Variants in SCLT1 observed in about 807,000 individuals in gnomAD.
SCLT1 encodes sodium channel-associated protein 1.
A neutral mutation model predicts 112.8 loss-of-function variants in SCLT1; 78 were observed. The ratio of observed to expected loss-of-function variants is 0.69; its 90% CI spans 0.58 to 0.83. The LOEUF (loss-of-function observed/expected upper bound fraction) is 0.83. Ranked by LOEUF, SCLT1 falls within the 40% of genes least tolerant of loss-of-function variation. SCLT1 has a pLI of 0.00. For missense variants in SCLT1, 747 were observed against 770.4 expected (o/e 0.97, Z 0.36); for synonymous variants, 257 against 254.7 (o/e 1.01, Z -0.09).
chr4:128,911,162 A>G (rs755652781), intron 18 of SCLT1, among the ~76,000 whole-genome samples: 3 of 152,180 alleles, frequency 2.0e-5, no homozygotes, highest in Non-Finnish European at 4.4e-5. Context: ...GCTACTCGGG[A>G]GGCTAAGGCA....
intron 4 of SCLT1, chr4:129,040,091 C>T: frequency 1.5e-6 from 1 of 678,160 alleles, no homozygotes; most frequent in Non-Finnish European, 2.7e-6. Context: ...GCAGTTCTGC[C>T]AGCCTTTTTC....
intron 2 of SCLT1, among the ~76,000 whole-genome samples, chr4:129,055,506 G>C (rs994884113): frequency 1.3e-5 from 2 of 152,092 alleles, no homozygotes; most frequent in Non-Finnish European, 2.9e-5. Context: ...AGGCATTCTG[G>C]CCACAGCCTC....
chr4:129,027,126 G>C (rs1488369926), intron 5 of SCLT1, among the ~76,000 whole-genome samples: 1 of 152,080 alleles, frequency 6.6e-6, no homozygotes, highest in Non-Finnish European at 1.5e-5. Context: ...AGAGGTACAA[G>C]GAGGAACTGG....
intron 14 of SCLT1, among the ~76,000 whole-genome samples, chr4:128,950,015 G>A (rs1419195356): frequency 1.3e-5 from 2 of 151,964 alleles, no homozygotes; most frequent in African/African-American, 4.8e-5. Flanking sequence ...CACCATTGAT[G>A]ATAATGAAGA....
intron 2 of SCLT1, among the ~76,000 whole-genome samples, chr4:129,050,709 T>G (rs1748700245): frequency 6.6e-6 from 1 of 152,230 alleles, no homozygotes; most frequent in South Asian, 2.1e-4. Context: ...TAGTTGCTTT[T>G]GCTATGCAGA....
chr4:129,044,367 C>T (rs993254932), intron 2 of SCLT1, among the ~76,000 whole-genome samples: 2 of 151,762 alleles, frequency 1.3e-5, no homozygotes, highest in South Asian at 2.1e-4. Flanking sequence ...TTATTATTTA[C>T]AATTTGGCCA....
intron 16 of SCLT1, among the ~76,000 whole-genome samples, chr4:128,943,559 A>T (rs1247357239): frequency 6.6e-6 from 1 of 152,156 alleles, no homozygotes; most frequent in East Asian, 1.9e-4. Context: ...CCTTTACTTA[A>T]TCAATAAACT....
At chr4:129,052,987 C>A (rs1647797632) in intron 2 of SCLT1, among the ~76,000 whole-genome samples, 1 of 151,994 alleles carries the variant, frequency 6.6e-6, no homozygotes, top group African/African-American at 2.4e-5. Context: ...CGTTATTTAC[C>A]CAGTAGTCAT....
At chr4:128,914,094 G>A (rs557284210) in intron 18 of SCLT1, among the ~76,000 whole-genome samples, 53 of 152,260 alleles carry the variant, frequency 3.5e-4, no homozygotes, top group Admixed American at 7.8e-4. Context: ...TGCCGGGCGC[G>A]GTGGCTCACG....
chr4:128,938,896 C>T (rs1362464684), intron 17 of SCLT1, among the ~76,000 whole-genome samples: 3 of 152,086 alleles, frequency 2.0e-5, no homozygotes, highest in Admixed American at 6.6e-5. Flanking sequence ...GCAGAAGAAT[C>T]GCTTGAACCT....
intron 8 of SCLT1, among the ~76,000 whole-genome samples, chr4:128,992,573 G>A (rs1018089141): frequency 1.3e-4 from 20 of 151,942 alleles, no homozygotes; most frequent in African/African-American, 4.8e-4. Context: ...CATGTCTGAA[G>A]GGAACTGGTA....
chr4:129,040,267 G>A (rs1013569976), intron 4 of SCLT1: 1 of 702,208 alleles, frequency 1.4e-6, no homozygotes, highest in African/African-American at 1.7e-5. Flanking sequence ...ATTGAGCACT[G>A]ACCATATATG....
At chr4:128,960,793 G>A (rs927739922) in intron 11 of SCLT1, among the ~76,000 whole-genome samples, 31 of 150,882 alleles carry the variant, frequency 2.1e-4, no homozygotes, top group Admixed American at 9.9e-4. Flanking sequence ...GGTGGCGGGC[G>A]CCTGTAGTCC....
intron 15 of SCLT1, among the ~76,000 whole-genome samples, chr4:128,946,886 A>G (rs1267990054): frequency 6.6e-6 from 1 of 152,142 alleles, no homozygotes; most frequent in African/African-American, 2.4e-5. Context: ...TCAGCTTTCC[A>G]TGCAATGGGG....
At chr4:128,942,033 A>G (rs1235974423) in intron 17 of SCLT1, among the ~76,000 whole-genome samples, 1 of 152,068 alleles carries the variant, frequency 6.6e-6, no homozygotes, top group Non-Finnish European at 1.5e-5. Flanking sequence ...CACATTGTCT[A>G]AATTATTTTA....
intron 18 of SCLT1, among the ~76,000 whole-genome samples, chr4:128,899,244 T>C (rs950982059): frequency 4.0e-4 from 61 of 152,056 alleles, no homozygotes; most frequent in African/African-American, 1.5e-3. Context: ...TAGACCAATA[T>C]CCCTGATGAA....
chr4:129,071,769 T>C (rs1751030954), intron 2 of SCLT1, among the ~76,000 whole-genome samples: 1 of 152,204 alleles, frequency 6.6e-6, no homozygotes, highest in Non-Finnish European at 1.5e-5. Flanking sequence ...TTGTATCTTT[T>C]AAGTGGAGCA....
intron 18 of SCLT1, among the ~76,000 whole-genome samples, chr4:128,935,125 T>C (rs906722817): frequency 2.0e-5 from 3 of 152,052 alleles, no homozygotes; most frequent in African/African-American, 7.2e-5. Context: ...GATTTTCTAA[T>C]GTTATACCAA....
chr4:128,958,875 GCT>G (rs1468527946), intron 12 of SCLT1, among the ~76,000 whole-genome samples: 1 of 151,954 alleles, frequency 6.6e-6, no homozygotes, highest in Non-Finnish European at 1.5e-5. Context: ...CTGTTTTAGA[GCT>G]CTCTTGAAAA....
Sources: gnomAD v4.1 joint callset for allele counts (sites outside exome capture counted in the v4.1 genomes callset) on GRCh38, gnomAD v4.1.1 for gene constraint, MANE v1.5 for transcripts, NCBI Gene and HGNC (gene_info 2026-07-23, HGNC 2026-07-21) for gene names.